MAGEB3: variants seen among roughly 807,000 people sequenced by gnomAD.
MAGEB3 encodes the protein MAGE family member B3.
For missense variants in MAGEB3, 191 were observed against 262.4 expected, an observed-to-expected ratio of 0.73 and a Z score of 1.88; for synonymous variants, 91 against 93.0, an observed-to-expected ratio of 0.98 and a Z score of 0.12.
In MAGEB3 at chrX:30,236,225, T is replaced by G. The variant is rs766981324; in HGVS notation, c.301T>G (p.Ser101Ala). ...AAAGCAAAGCTTCTCTCAGGGTCTATCCTCCACTGTGCAGTCTCGCACAGA... is the reference window on the plus strand; with the variant it reads ...AAAGCAAAGCTTCTCTCAGGGTCTAGCCTCCACTGTGCAGTCTCGCACAGA... ...EKKQSFSQGLSSTVQSRTDPL... is the reference protein window; with the variant it reads ...EKKQSFSQGLASTVQSRTDPL... The change falls in exon 5 of 5, where the codon TCC becomes GCC. Residue 101 changes from serine (S) to alanine (A), a missense_variant. Physicochemically the swap from Ser to Ala is moderately conservative, Grantham distance 99. Transcript: ENST00000361644. 1 of 1,210,249 alleles carries G rather than the reference T, an allele frequency of 8.3e-7. No individual in the cohort carries two copies. The highest frequency in any genetic ancestry group is 3.0e-5 in the East Asian group (1 of 33,825).
rs1325840582 is a variant in MAGEB3, at chrX:30,236,349, A to C, written c.425A>C (p.Gln142Pro). The change falls in exon 5 of 5, where the codon CAA becomes CCA. Residue 142 changes from glutamine to proline, a missense_variant. Transcript: ENST00000361644. ...AAAGCAGATATGCTAAAAATTGTCC[A>C]AAAAAGCCATAAGAATTGCTTCCCT... ...IMKADMLKIVQKSHKNCFPEI... is the reference protein window; with the variant it reads ...IMKADMLKIVPKSHKNCFPEI... 3.3e-6 allele frequency: 4 copies of C among 1,208,198 alleles called. No homozygotes were observed. In the Admixed American group the frequency reaches 8.8e-5, roughly 27 times the overall value.
rs919741965 is a variant in MAGEB3 at position 30,236,254 on chromosome X, T to G, written c.330T>G (p.Pro110=). 1.7e-6 allele frequency: 2 copies of G among 1,207,698 alleles called. No homozygotes were observed. Among genetic ancestry groups the G allele is most frequent in the Non-Finnish European group, 2.2e-6 (2 of 893,123 alleles). The part of the protein sequence containing the change: ...LSSTVQSRTD[P]LIMKTNMLVQ... The stretch of plus-strand genomic sequence containing the variant: ...CCACTGTGCAGTCTCGCACAGACCC[T>G]CTAATCATGAAGACAAATATGTTGG... The change falls in exon 5 of 5, where the codon CCT becomes CCG. Residue 110 remains proline (P), a synonymous_variant. Coordinates refer to ENST00000361644, the MANE Select transcript of MAGEB3 (RefSeq NM_002365.5).
At chrX:30,234,202 G>A (rs1924912938) in intron 4 of MAGEB3, among the ~76,000 whole-genome samples, 1 of 111,099 alleles carries the variant, frequency 9.0e-6, no homozygotes, top group African/African-American at 3.3e-5. Context: ...GGAGATGAGG[G>A]TTTTGTTTGG....
In MAGEB3 at chrX:30,236,907, G is replaced by A. The variant is rs1924998873; in HGVS notation, c.983G>A (p.Ser328Asn). ...GCTGCAGCTATGCTCAATGATGGCA[G>A]TAGTGCCATGGGCAGAAAGTGTTCC... ...VQAAAMLNDG[S>N]SAMGRKCSKA... Residue 328 changes from serine to asparagine, a missense_variant, in exon 5 of 5, where the codon AGT becomes AAT. By Grantham distance (46) the Ser-to-Asn change is conservative. Transcript: ENST00000361644. The A allele has an allele frequency of 8.3e-7, 1 of 1,208,936 alleles. No individual in the cohort carries two copies. The highest frequency in any genetic ancestry group is 1.1e-6 in the Non-Finnish European group (1 of 894,389).
rs1350992438 is a variant in MAGEB3 at position 30,233,279 on chromosome X, G to A, written c.-146G>A. 1.0e-5 allele frequency: 1 copy of A among 95,398 alleles called. No individual in the cohort carries two copies. The highest frequency in any genetic ancestry group is 2.1e-5 in the Non-Finnish European group (1 of 47,901). The allele number at this position is 95,398 out of a possible 1,213,427, so 7.9% of individuals were successfully genotyped here. A position where few individuals can be genotyped will look rare whatever the true frequency, so the allele number is the denominator to read the frequency against. On this transcript the variant is annotated 5_prime_UTR_variant, in exon 4 of 5. Coordinates refer to ENST00000361644, the MANE Select transcript of MAGEB3 (RefSeq NM_002365.5). ...ATTTTAAGGCAGGGCTCTGGCTCACGCTTGTAATCCCAACATTTTGGGAGG... is the reference window on the plus strand; with the variant it reads ...ATTTTAAGGCAGGGCTCTGGCTCACACTTGTAATCCCAACATTTTGGGAGG...
At chrX:30,232,802 A>C (rs1924848832) in intron 2 of MAGEB3, 25 bp from the exon 3 acceptor site, 1 of 81,181 alleles carries the variant, frequency 1.2e-5, no homozygotes, top group African/African-American at 4.1e-5. Flanking sequence ...ATAAATATAA[A>C]CTTTTTTTTA....
intron 4 of MAGEB3, among the ~76,000 whole-genome samples, chrX:30,234,296 G>A (rs1446259365): frequency 1.8e-5 from 2 of 110,361 alleles, no homozygotes; most frequent in African/African-American, 6.6e-5. Flanking sequence ...GAGAATCTAG[G>A]GACCAGCAAC....
intron 1 of MAGEB3, among the ~76,000 whole-genome samples, chrX:30,231,103 C>G (rs1212045915): frequency 9.3e-6 from 1 of 107,215 alleles, no homozygotes; most frequent in Non-Finnish European, 1.9e-5. Context: ...TGTTTGGGCC[C>G]CCCCAGGAGT....
chrX:30,231,110 GA>G (rs1369605329), intron 1 of MAGEB3, among the ~76,000 whole-genome samples: 1 of 105,721 alleles, frequency 9.5e-6, no homozygotes, highest in Non-Finnish European at 2.0e-5. Flanking sequence ...GCCCCCCCAG[GA>G]GTTCGAAACC....
chrX:30,237,382 C>A lies in MAGEB3; in HGVS notation c.*417C>A. 7.5e-6 allele frequency: 1 copy of A among 133,254 alleles called. No homozygotes were observed. Among genetic ancestry groups the A allele is most frequent in the East Asian group, 2.5e-4 (1 of 3,930 alleles). The allele number at this position is 133,254 out of a possible 1,213,427, so 11.0% of individuals were successfully genotyped here. A position where few individuals can be genotyped will look rare whatever the true frequency, so the allele number is the denominator to read the frequency against. On this transcript the variant is annotated 3_prime_UTR_variant, in exon 5 of 5. Coordinates refer to ENST00000361644, the MANE Select transcript of MAGEB3 (RefSeq NM_002365.5). ...GTGTAAGATGGTCAATATTTGGTTT[C>A]CTAAATGCTTTTACTCTGTGCTTTA... is the stretch of plus-strand genomic sequence containing the variant.
rs1158572557 is a variant in MAGEB3 at position 30,234,596 on chromosome X, C to T, written c.-62+1233C>T. 9.9e-5 allele frequency among the ~76,000 whole-genome samples: 11 copies of T among 111,201 alleles called. No homozygotes were observed. The East Asian group carries it at 3.1e-3, about 32-fold the overall frequency. ...GTCTTCCCTGGGAATACCTTGAAAG[C>T]TGTCTGACAGATATCTACCTGGAAA... On this transcript the variant is annotated intron_variant, in intron 4 of 4. Coordinates refer to ENST00000361644, the MANE Select transcript of MAGEB3 (RefSeq NM_002365.5).
At chrX:30,232,080 G>A (rs1173601833) in intron 2 of MAGEB3, among the ~76,000 whole-genome samples, 1 of 112,236 alleles carries the variant, frequency 8.9e-6, no homozygotes, top group Non-Finnish European at 1.9e-5. Context: ...TGGCCTGACG[G>A]GTGCAATAGC....
intron 3 of MAGEB3, 23 bp from the exon 4 acceptor site, chrX:30,233,239 C>CT (rs34885868): frequency 0.41 from 38,691 of 93,723 alleles, 6,792 homozygotes; most frequent in East Asian, 0.49. Context: ...TAGATATAAA[C>CT]TTTTTTTTTT....
Position 30,237,051 on chromosome X carries a change from A to G in MAGEB3, c.*86A>G. On this transcript the variant is annotated 3_prime_UTR_variant, in exon 5 of 5. Transcript: ENST00000361644. ...GAAGGACTGGGTGTTACTGGAGGGA[A>G]CACACTGTATAATACCTTTTGTTTC... is the stretch of plus-strand genomic sequence containing the variant. The G allele has an allele frequency of 1.5e-6, 1 of 654,373 alleles. No homozygotes were observed. The highest frequency in any genetic ancestry group is 3.5e-5 in the East Asian group (1 of 28,372). The allele number at this position is 654,373 out of a possible 1,213,427, so 53.9% of individuals were successfully genotyped here.
In MAGEB3 at chrX:30,236,316, C is replaced by T; in HGVS notation, c.392C>T (p.Pro131Leu). 8.3e-7 allele frequency: 1 copy of T among 1,207,568 alleles called. No homozygotes were observed. Among genetic ancestry groups the T allele is most frequent in the Non-Finnish European group, 1.1e-6 (1 of 894,465 alleles). Reference sequence around the variant, plus strand: ...ATGGAAATGTACAAGATGAAAAAGCCCATTATGAAAGCAGATATGCTAAAA... The same window carrying T: ...ATGGAAATGTACAAGATGAAAAAGCTCATTATGAAAGCAGATATGCTAAAA... ...FLMEMYKMKK[P>L]IMKADMLKIV... Residue 131 changes from proline to leucine, a missense_variant, in exon 5 of 5, where the codon CCC becomes CTC. Pro to Leu is a moderately conservative substitution (Grantham distance 98, BLOSUM62 -3). Coordinates refer to ENST00000361644, the MANE Select transcript of MAGEB3 (RefSeq NM_002365.5).
At chrX:30,233,812 C>T (rs2147337695) in intron 4 of MAGEB3, among the ~76,000 whole-genome samples, 1 of 112,007 alleles carries the variant, frequency 8.9e-6, no homozygotes, top group Admixed American at 9.4e-5. Flanking sequence ...AAAGGGGACC[C>T]ACACGTCTCA....
chrX:30,234,358 C>A (rs1052197902), intron 4 of MAGEB3, among the ~76,000 whole-genome samples: 1 of 111,098 alleles, frequency 9.0e-6, no homozygotes, highest in African/African-American at 3.3e-5. Flanking sequence ...AGCCATCAGA[C>A]CCCAGGAAGC....
chrX:30,235,210 A>G (rs1924941577), intron 4 of MAGEB3, among the ~76,000 whole-genome samples: 1 of 111,707 alleles, frequency 9.0e-6, no homozygotes, highest in African/African-American at 3.3e-5. Flanking sequence ...AGCGCTGATG[A>G]GGCTGGGCAT....
At chrX:30,233,580 C>T (rs953217852) in intron 4 of MAGEB3, among the ~76,000 whole-genome samples, 6 of 106,403 alleles carry the variant, frequency 5.6e-5, no homozygotes, top group Non-Finnish European at 1.2e-4. Context: ...GCCTAGACTT[C>T]CCCTCTAGGG....
Sources: allele counts gnomAD v4.1 joint callset (sites outside exome capture counted in the v4.1 genomes callset), GRCh38; gene constraint gnomAD v4.1.1; transcripts MANE v1.5; gene names NCBI Gene and HGNC (gene_info 2026-07-23, HGNC 2026-07-21).